The following MARCHF1 variants were observed in gnomAD, a reference collection of about 807,000 sequenced individuals.
MARCHF1 encodes the protein E3 ubiquitin-protein ligase MARCHF1.
A neutral mutation model predicts 54.2 loss-of-function variants in MARCHF1; 40 were observed. That is an observed-to-expected ratio of 0.74 (90% CI 0.57 to 0.96). The LOEUF (loss-of-function observed/expected upper bound fraction) is 0.96, where lower values mean the gene tolerates loss of function less well. MARCHF1 is among the 40% of genes least tolerant of loss of function. The pLI, the probability that MARCHF1 is intolerant of heterozygous loss-of-function variation, is 0.00. For missense variants in MARCHF1, 586 were observed against 656.5 expected (o/e 0.89, Z 1.17); for synonymous variants, 236 against 236.3 (o/e 1.00, Z 0.01).
intron 5 of MARCHF1, among the ~76,000 whole-genome samples, chr4:163,682,344 C>A (rs1415663592): frequency 6.6e-6 from 1 of 152,158 alleles, no homozygotes; most frequent in Non-Finnish European, 1.5e-5. Flanking sequence ...AAGCCAGCTG[C>A]AGAAATTTGC....
intron 3 of MARCHF1, among the ~76,000 whole-genome samples, chr4:163,873,161 T>C (rs543256159): frequency 6.6e-6 from 1 of 152,360 alleles, no homozygotes; most frequent in South Asian, 2.1e-4. Context: ...TTTCTTCAGC[T>C]AATGAACAAT....
intron 2 of MARCHF1, among the ~76,000 whole-genome samples, chr4:164,021,079 C>CT (rs58872172): frequency 0.014 from 1,968 of 141,648 alleles, 40 homozygotes; most frequent in African/African-American, 0.045. Flanking sequence ...ATTTCTGTCC[C>CT]TTTTTTTTTT....
chr4:164,078,927 A>C (rs1755034945), intron 2 of MARCHF1, among the ~76,000 whole-genome samples: 1 of 152,228 alleles, frequency 6.6e-6, no homozygotes, highest in Admixed American at 6.5e-5. Context: ...AATAAAAAAA[A>C]AAGAAATCAC....
intron 1 of MARCHF1, among the ~76,000 whole-genome samples, chr4:164,207,342 T>G (rs1281471321): frequency 1.3e-5 from 2 of 152,346 alleles, no homozygotes; most frequent in Admixed American, 6.5e-5. Flanking sequence ...GTTTATTCAT[T>G]TATTCATTTG....
At chr4:163,553,065 T>C (rs1313424958) in intron 8 of MARCHF1, among the ~76,000 whole-genome samples, 1 of 147,242 alleles carries the variant, frequency 6.8e-6, no homozygotes, top group Non-Finnish European at 1.5e-5. Flanking sequence ...GAATGAGCGC[T>C]CTGGGTTCAA....
chr4:163,812,797 A>G (rs896619396), intron 4 of MARCHF1, among the ~76,000 whole-genome samples: 1 of 152,098 alleles, frequency 6.6e-6, no homozygotes, highest in African/African-American at 2.4e-5. Flanking sequence ...CAAAAAACCT[A>G]AACTTTTGAA....
chr4:164,128,891 C>T (rs978287226), intron 1 of MARCHF1, among the ~76,000 whole-genome samples: 1 of 152,286 alleles, frequency 6.6e-6, no homozygotes, highest in Non-Finnish European at 1.5e-5. Flanking sequence ...TCCAATACCT[C>T]CTACTAAGCC....
chr4:164,330,172 G>T (rs1157452978), intron 1 of MARCHF1: 1 of 100,388 alleles, frequency 1.0e-5, no homozygotes, highest in Admixed American at 1.1e-4. Flanking sequence ...GTGAAGGAAG[G>T]TTAAAAAAAA....
intron 2 of MARCHF1, among the ~76,000 whole-genome samples, chr4:164,092,070 T>C (rs1397874003): frequency 6.6e-6 from 1 of 152,126 alleles, no homozygotes; most frequent in Non-Finnish European, 1.5e-5. Context: ...AGGTCTCTTC[T>C]CACCGAGGCT....
chr4:164,187,617 G>A (rs918811661), intron 1 of MARCHF1, among the ~76,000 whole-genome samples: 3 of 152,156 alleles, frequency 2.0e-5, no homozygotes, highest in African/African-American at 7.2e-5. Flanking sequence ...ATCTATGGAA[G>A]CCTGGCAAGG....
intron 2 of MARCHF1, among the ~76,000 whole-genome samples, chr4:164,101,566 G>A (rs1454240710): frequency 1.5e-5 from 2 of 130,496 alleles, no homozygotes; most frequent in African/African-American, 5.5e-5. Flanking sequence ...TCTGTTAGAA[G>A]GAAAACTAAC....
chr4:163,873,963 C>T (rs886517666), intron 3 of MARCHF1, among the ~76,000 whole-genome samples: 1 of 152,070 alleles, frequency 6.6e-6, no homozygotes, highest in Non-Finnish European at 1.5e-5. Context: ...TAGACAGTAA[C>T]GAAACCCTAA....
intron 1 of MARCHF1, among the ~76,000 whole-genome samples, chr4:164,137,041 G>A (rs1228930299): frequency 2.6e-5 from 4 of 151,936 alleles, no homozygotes; most frequent in African/African-American, 9.7e-5. Context: ...TGAAAGAAAC[G>A]AATTGTCTAA....
intron 5 of MARCHF1, among the ~76,000 whole-genome samples, chr4:163,631,506 A>C (rs1050932472): frequency 1.1e-4 from 16 of 152,174 alleles, no homozygotes; most frequent in African/African-American, 3.9e-4. Context: ...ACATTCTTAT[A>C]ATGTGGCAAG....
intron 1 of MARCHF1, among the ~76,000 whole-genome samples, chr4:164,237,123 A>ATTTTCTTTC (rs1210644809): frequency 1.3e-5 from 2 of 152,020 alleles, no homozygotes; most frequent in Non-Finnish European, 2.9e-5. Flanking sequence ...AGTATCATTC[A>ATTTTCTTTC]TTTTCTTTCT....
At chr4:164,107,264 A>C (rs1264714783) in intron 2 of MARCHF1, among the ~76,000 whole-genome samples, 1 of 150,416 alleles carries the variant, frequency 6.6e-6, no homozygotes, top group East Asian at 1.9e-4. Flanking sequence ...ACAATTTTTA[A>C]ATTGGATAAT....
At chr4:163,783,824 A>G (rs1254553865) in intron 4 of MARCHF1, among the ~76,000 whole-genome samples, 1 of 152,174 alleles carries the variant, frequency 6.6e-6, no homozygotes, top group South Asian at 2.1e-4. Context: ...AAAAGCAGGT[A>G]GTAGCAGCCA....
At chr4:163,897,339 C>T (rs1194253585) in intron 3 of MARCHF1, among the ~76,000 whole-genome samples, 1 of 152,172 alleles carries the variant, frequency 6.6e-6, no homozygotes, top group Non-Finnish European at 1.5e-5. Context: ...CTATCTCTGT[C>T]TAACTTAAAT....
intron 1 of MARCHF1, among the ~76,000 whole-genome samples, chr4:164,358,530 A>C (rs1292528322): frequency 6.6e-6 from 1 of 152,204 alleles, no homozygotes; most frequent in Non-Finnish European, 1.5e-5. Flanking sequence ...TACAGAAATA[A>C]ATGACATTTT....
Sources: allele counts gnomAD v4.1 joint callset (sites outside exome capture counted in the v4.1 genomes callset), GRCh38; gene constraint gnomAD v4.1.1; transcripts MANE v1.5; gene names NCBI Gene and HGNC (gene_info 2026-07-23, HGNC 2026-07-21).